B4GALNT2: variants seen among roughly 807,000 people sequenced by gnomAD.
The protein encoded by B4GALNT2 is N-acetylneuraminylgalactosylglucosyl-glucoside beta-1,4-N- acetylgalactosaminyltransferase 2.
In B4GALNT2, 42 loss-of-function variants were observed where a neutral mutation model predicts 51.1. The ratio of observed to expected loss-of-function variants is 0.82; its 90% CI spans 0.64 to 1.06. The LOEUF is 1.06. B4GALNT2 is among the 50% of genes least tolerant of loss of function. The pLI, the probability that B4GALNT2 is intolerant of heterozygous loss-of-function variation, is 0.00. For synonymous variants in B4GALNT2, 253 were observed against 251.7 expected, an observed-to-expected ratio of 1.01 and a Z score of -0.05; for missense variants, 602 against 633.6, an observed-to-expected ratio of 0.95 and a Z score of 0.54.
upstream of B4GALNT2, among the ~76,000 whole-genome samples, chr17:49,131,251 A>G (rs1291327395): frequency 6.6e-6 from 1 of 152,028 alleles, no homozygotes; most frequent in Admixed American, 6.6e-5. Flanking sequence ...CACTTTTCTG[A>G]TTGGTCTTGT....
At position 49,166,243 on chromosome 17, in the gene B4GALNT2, G is replaced by A; in HGVS notation, c.1084G>A (p.Glu362Lys). ...GCTGGTGGATGTCCTGGAGAAAACA[G>A]AACTGGACGTGGTAAGGGACAGTTG... ...EVLVDVLEKT[E>K]LDVVGGSVLG... Residue 362 changes from glutamate (E) to lysine (K), a missense_variant, in exon 9 of 11, where the codon GAA (glutamate) becomes AAA (lysine). Physicochemically the swap from Glu to Lys is moderately conservative, Grantham distance 56. Coordinates refer to ENST00000393354, the MANE Select transcript of B4GALNT2 (RefSeq NM_001159387.2). 1 of 1,613,654 alleles carries A rather than the reference G, an allele frequency of 6.2e-7. No individual in the cohort carries two copies. The highest frequency in any genetic ancestry group is 8.5e-7 in the Non-Finnish European group (1 of 1,179,948).
Position 49,173,203 on chromosome 17 carries a change from T to C in B4GALNT2, c.*3475T>C, listed in dbSNP as rs557836018. On this transcript the variant is annotated 3_prime_UTR_variant, in exon 11 of 11. Coordinates refer to ENST00000393354, the MANE Select transcript of B4GALNT2 (RefSeq NM_001159387.2). ...TTCTACTCCTGACTGCTGTTTGCAATTGGGTAAATAAAGCCATCAGTTGCT... is the reference window on the plus strand; with the variant it reads ...TTCTACTCCTGACTGCTGTTTGCAACTGGGTAAATAAAGCCATCAGTTGCT... The C allele has an allele frequency of 1.2e-4, 19 of 152,342 alleles. No homozygotes were observed. The highest frequency in any genetic ancestry group is 4.3e-4 in the African/African-American group (18 of 41,572). 9.4% of individuals were successfully genotyped at this position (152,342 alleles called of 1,614,324 possible). A position where few individuals can be genotyped will look rare whatever the true frequency, so the allele number is the denominator to read the frequency against.
chr17:49,166,134 C>A lies in B4GALNT2; in HGVS notation c.975C>A (p.Asn325Lys). The change falls in exon 9 of 11, where the codon AAC becomes AAA. Residue 325 changes from asparagine to lysine, a missense_variant. Coordinates refer to ENST00000393354, the MANE Select transcript of B4GALNT2 (RefSeq NM_001159387.2). ...PFGKGWFAGR[N>K]LAISQVTTKY... Reference sequence around the variant, plus strand: ...TACAGGGTTGGTTTGCTGGTAGGAACCTGGCCATATCTCAGGTCACCACCA... The same window carrying A: ...TACAGGGTTGGTTTGCTGGTAGGAAACTGGCCATATCTCAGGTCACCACCA... 2 of 1,614,026 alleles carry A rather than the reference C, an allele frequency of 1.2e-6. No individual in the cohort carries two copies. The highest frequency in any genetic ancestry group is 1.3e-5 in the African/African-American group (1 of 75,002).
the B4GALNT2 span, among the ~76,000 whole-genome samples, chr17:49,126,299 C>T: frequency 6.6e-6 from 1 of 152,066 alleles, no homozygotes; most frequent in Non-Finnish European, 1.5e-5. Flanking sequence ...TGCTTGACGG[C>T]AGCATGCTCG....
intron 1 of B4GALNT2, among the ~76,000 whole-genome samples, chr17:49,140,828 C>T (rs1158494846): frequency 6.7e-6 from 1 of 149,874 alleles, no homozygotes; most frequent in Non-Finnish European, 1.5e-5. Context: ...AAGCGATTCT[C>T]CTGTCTCAGC....
intron 8 of B4GALNT2, among the ~76,000 whole-genome samples, chr17:49,164,761 A>G (rs1324015701): frequency 1.3e-5 from 2 of 151,362 alleles, no homozygotes; most frequent in African/African-American, 4.9e-5. Flanking sequence ...TTGGCCTCCC[A>G]AAGTTTACAG....
chr17:49,126,717 T>C, the B4GALNT2 span, among the ~76,000 whole-genome samples: 1 of 150,482 alleles, frequency 6.6e-6, no homozygotes, highest in Admixed American at 6.7e-5. Context: ...GTTGGTTATA[T>C]TGGTGCAATC....
chr17:49,141,493 C>T (rs373817010), intron 2 of B4GALNT2, 46 bp downstream of exon 2: 45 of 1,569,106 alleles, frequency 2.9e-5, no homozygotes, highest in Non-Finnish European at 3.8e-5. Context: ...CACACATCTT[C>T]CTTGCTCCTC....
intron 4 of B4GALNT2, among the ~76,000 whole-genome samples, chr17:49,155,773 G>T (rs1011202323): frequency 2.6e-5 from 4 of 151,532 alleles, no homozygotes; most frequent in Non-Finnish European, 4.4e-5. Flanking sequence ...GCCCAGGCTG[G>T]AGTGCAGTGT....
At chr17:49,138,750 G>A (rs527904466) in intron 1 of B4GALNT2, among the ~76,000 whole-genome samples, 2 of 152,240 alleles carry the variant, frequency 1.3e-5, no homozygotes, top group East Asian at 1.9e-4. Context: ...GGTGGTGGGC[G>A]CCTGTAATCC....
At chr17:49,135,939 C>T (rs1283049892) in intron 1 of B4GALNT2, among the ~76,000 whole-genome samples, 1 of 151,418 alleles carries the variant, frequency 6.6e-6, no homozygotes, top group Non-Finnish European at 1.5e-5. Context: ...AAAAATTAGC[C>T]AGGTGTGGAG....
chr17:49,138,163 A>G (rs866834490), intron 1 of B4GALNT2, among the ~76,000 whole-genome samples: 3 of 152,232 alleles, frequency 2.0e-5, no homozygotes, highest in African/African-American at 7.2e-5. Flanking sequence ...TAAATTTCCT[A>G]TATATTAATA....
chr17:49,143,086 T>C (rs894576353), intron 3 of B4GALNT2, among the ~76,000 whole-genome samples: 1 of 151,912 alleles, frequency 6.6e-6, no homozygotes, highest in African/African-American at 2.4e-5. Context: ...CCATCTCTAC[T>C]AAAAATACAA....
chr17:49,152,347 C>T (rs2042765820), intron 3 of B4GALNT2, among the ~76,000 whole-genome samples: 1 of 152,196 alleles, frequency 6.6e-6, no homozygotes, highest in African/African-American at 2.4e-5. Flanking sequence ...CACTGTACTC[C>T]AGCCAGGGTG....
At chr17:49,159,587 G>C (rs2042843705) in intron 6 of B4GALNT2, among the ~76,000 whole-genome samples, 1 of 152,070 alleles carries the variant, frequency 6.6e-6, no homozygotes, top group African/African-American at 2.4e-5. Context: ...TGATCCACCT[G>C]CCTCAGCCTC....
chr17:49,133,106 C>A, intron 1 of B4GALNT2: 1 of 1,521,076 alleles, frequency 6.6e-7, no homozygotes, highest in Non-Finnish European at 8.7e-7. Flanking sequence ...CGGGGACGCC[C>A]GAGTGTGGGA....
intron 1 of B4GALNT2, among the ~76,000 whole-genome samples, chr17:49,134,535 G>C (rs569648897): frequency 1.3e-5 from 2 of 152,252 alleles, no homozygotes; most frequent in East Asian, 3.9e-4. Flanking sequence ...CTCCCGAATA[G>C]CTGGGATTAC....
At position 49,141,375 on chromosome 17, in the gene B4GALNT2, C is replaced by A. The variant is rs34044460; in HGVS notation, c.143C>A (p.Ala48Asp). 1.3e-5 allele frequency: 21 copies of A among 1,614,004 alleles called. No homozygotes were observed. Among genetic ancestry groups the A allele is most frequent in the Admixed American group, 1.7e-5 (1 of 59,988 alleles). The change falls in exon 2 of 11, where the codon GCC (alanine) becomes GAC (aspartate). Residue 48 changes from alanine to aspartate, a missense_variant. By Grantham distance (126) the Ala-to-Asp change is moderately radical. Coordinates refer to ENST00000393354, the MANE Select transcript of B4GALNT2 (RefSeq NM_001159387.2). ...CCCAAGCCAGAACTCCCAAGTCCTG[C>A]CCCGGGTGTCCAGAAGCTGAAGCTT... ...SSPKPELPSP[A>D]PGVQKLKLLP... is the part of the protein sequence containing the mutation.
At position 49,176,234 on chromosome 17, in the gene B4GALNT2, C is replaced by G. The variant is rs953700785; in HGVS notation, c.*6506C>G. On this transcript the variant is annotated 3_prime_UTR_variant, in exon 11 of 11. Coordinates refer to ENST00000393354, the MANE Select transcript of B4GALNT2 (RefSeq NM_001159387.2). Reference sequence around the variant, plus strand: ...ACCAGCTCGGTCTTGGAGACCCTAACCCAGCGGCGCTAGAGGAATTAAAGA... The same window carrying G: ...ACCAGCTCGGTCTTGGAGACCCTAAGCCAGCGGCGCTAGAGGAATTAAAGA... 1 of 152,238 alleles carries G rather than the reference C, an allele frequency of 6.6e-6. No homozygotes were observed. The highest frequency in any genetic ancestry group is 2.4e-5 in the African/African-American group (1 of 41,452). 9.4% of individuals were successfully genotyped at this position (152,238 alleles called of 1,614,324 possible).
Sources: gnomAD v4.1 joint callset for allele counts (sites outside exome capture counted in the v4.1 genomes callset) on GRCh38, gnomAD v4.1.1 for gene constraint, MANE v1.5 for transcripts, NCBI Gene and HGNC (gene_info 2026-07-23, HGNC 2026-07-21) for gene names.